Variants in ATOX1 observed in about 807,000 individuals in gnomAD.
The protein encoded by ATOX1 is copper transport protein ATOX1.
In ATOX1, 4 loss-of-function variants were observed where a neutral mutation model predicts 7.3. The ratio of observed to expected loss-of-function variants is 0.55; its 90% CI spans 0.27 to 1.25. The LOEUF is 1.25. Among genes scored for constraint, ATOX1 ranks in the 50% most tolerant of loss-of-function variants. The probability of loss-of-function intolerance (pLI) is 0.12; values close to 1 mark genes in which losing one functional copy is unlikely to be tolerated. For missense variants in ATOX1, 68 were observed against 81.6 expected, an observed-to-expected ratio of 0.83 and a Z score of 0.64; for synonymous variants, 25 against 28.7, an observed-to-expected ratio of 0.87 and a Z score of 0.41.
intron 3 of ATOX1, chr5:151,745,510 G>C (rs1024697143): frequency 1.3e-5 from 2 of 152,244 alleles, no homozygotes; most frequent in African/African-American, 4.8e-5. Flanking sequence ...CAATGAGTAA[G>C]GTCTGCCTGG....
intron 1 of ATOX1, 143 bp downstream of exon 1, chr5:151,758,403 G>T: frequency 7.7e-7 from 1 of 1,291,148 alleles, no homozygotes; most frequent in Non-Finnish European, 9.9e-7. Context: ...AAAGCTGGGG[G>T]CTGGGTGGGG....
chr5:151,746,544 C>T, intron 2 of ATOX1, 95 bp from the exon 3 acceptor site: 1 of 1,515,918 alleles, frequency 6.6e-7, no homozygotes, highest in Non-Finnish European at 9.0e-7. Flanking sequence ...TACTCACAAC[C>T]ACCCTTGCCC....
chr5:151,752,323 G>T (rs1761962420), intron 1 of ATOX1: 1 of 702,450 alleles, frequency 1.4e-6, no homozygotes, highest in Non-Finnish European at 2.6e-6. Context: ...TCATCCAAGG[G>T]CCGCATTCTC....
intron 2 of ATOX1, among the ~76,000 whole-genome samples, chr5:151,751,256 CAAA>C (rs59348695): frequency 1.7e-4 from 11 of 63,470 alleles, no homozygotes; most frequent in Admixed American, 3.6e-4. Flanking sequence ...AACTCTGTCT[CAAA>C]AAAAAAAAAA....
Position 151,756,133 on chromosome 5 carries a change from G to A in ATOX1, c.6+2413C>T, listed in dbSNP as rs148159036. Among the ~76,000 whole-genome samples, 666 of 151,812 alleles carry A rather than the reference G, an allele frequency of 4.4e-3. 7 individuals carry two copies. Among genetic ancestry groups the A allele is most frequent in the African/African-American group, 0.015 (617 of 41,406 alleles). ...ATTTTTTTGTATATTTAGTAGAGAC[G>A]GGGTTTCACCATGTTGGCCAGGCTG... On this transcript the variant is annotated intron_variant, in intron 1 of 3. Transcript: ENST00000313115.
intron 1 of ATOX1, among the ~76,000 whole-genome samples, chr5:151,755,205 T>C (rs1379291002): frequency 6.6e-6 from 1 of 152,164 alleles, no homozygotes; most frequent in Non-Finnish European, 1.5e-5. Context: ...TGTACTTATA[T>C]ACTGAGCCAA....
Position 151,758,538 on chromosome 5 carries a change from C to T in ATOX1, c.6+8G>A, listed in dbSNP as rs762811425. 2.1e-6 allele frequency: 3 copies of T among 1,460,856 alleles called. No individual in the cohort carries two copies. The highest frequency in any genetic ancestry group is 2.7e-5 in the East Asian group (1 of 36,660). 90.5% of individuals were successfully genotyped at this position (1,460,856 alleles called of 1,614,324 possible). A position where few individuals can be genotyped will look rare whatever the true frequency, so the allele number is the denominator to read the frequency against. ...AGTCTGCGTGGCGGGGACGGCGCAA[C>T]CACTCACCGGCATGACTGAGGCAGC... is the stretch of plus-strand genomic sequence containing the variant. On this transcript the variant is annotated splice_region_variant and intron_variant, in intron 1 of 3. Transcript: ENST00000313115.
rs760802363 is a variant in ATOX1 at position 151,751,794 on chromosome 5, G to A, written c.7-15C>T. 1.9e-6 allele frequency: 3 copies of A among 1,579,306 alleles called. No individual in the cohort carries two copies. Among genetic ancestry groups the A allele is most frequent in the East Asian group, 4.5e-5 (2 of 44,126 alleles). On this transcript the variant is annotated splice_polypyrimidine_tract_variant and intron_variant, in intron 1 of 3. Transcript: ENST00000313115. Reference sequence around the variant, plus strand: ...AACTCGTGCTTCTGAAACAAACACAGGGGGACCATGACCCGAGCCCTGTAG... The same window carrying A: ...AACTCGTGCTTCTGAAACAAACACAAGGGGACCATGACCCGAGCCCTGTAG...
chr5:151,758,517 T>C, intron 1 of ATOX1, 29 bp downstream of exon 1: 1 of 1,481,372 alleles, frequency 6.8e-7, no homozygotes, highest in Non-Finnish European at 9.0e-7. Context: ...ACTGCAAGTC[T>C]GCGTGGCGGG....
intron 1 of ATOX1, 175 bp from the exon 2 acceptor site, chr5:151,751,954 G>A: frequency 1.6e-6 from 1 of 621,066 alleles, no homozygotes; most frequent in Non-Finnish European, 2.9e-6. Flanking sequence ...CTATAGAGTA[G>A]CTAAGAGTTT....
intron 3 of ATOX1, 154 bp from the exon 4 acceptor site, chr5:151,743,113 G>C (rs1761840580): frequency 6.6e-6 from 1 of 152,322 alleles, no homozygotes; most frequent in African/African-American, 2.4e-5. Context: ...GAAAACGCAG[G>C]GTGCAGATGC....
intron 3 of ATOX1, chr5:151,744,019 A>G (rs1394228598): frequency 2.6e-5 from 4 of 152,270 alleles, no homozygotes; most frequent in African/African-American, 9.6e-5. Context: ...TGAATCTTGA[A>G]AACATTATGC....
chr5:151,749,604 C>T (rs1761918731), intron 2 of ATOX1, among the ~76,000 whole-genome samples: 1 of 141,670 alleles, frequency 7.1e-6, no homozygotes, highest in Non-Finnish European at 1.5e-5. Flanking sequence ...TTGCAGTGAG[C>T]AGAGATCATG....
At chr5:151,752,712 T>C (rs1039762213) in intron 1 of ATOX1, among the ~76,000 whole-genome samples, 2 of 152,218 alleles carry the variant, frequency 1.3e-5, no homozygotes, top group African/African-American at 2.4e-5. Context: ...ATCAGATAAA[T>C]ATGGCTTCAG....
rs1382026862 is a variant in ATOX1, at chr5:151,758,629, G to C, written c.-78C>G. 7.4e-7 allele frequency: 1 copy of C among 1,345,344 alleles called. No individual in the cohort carries two copies. Among genetic ancestry groups the C allele is most frequent in the Non-Finnish European group, 9.6e-7 (1 of 1,038,284 alleles). The allele number at this position is 1,345,344 out of a possible 1,614,324, so 83.3% of individuals were successfully genotyped here. On this transcript the variant is annotated 5_prime_UTR_variant, in exon 1 of 4. Coordinates refer to ENST00000313115, the MANE Select transcript of ATOX1 (RefSeq NM_004045.4). ...TCTCTGGATTCGGAGGGCGGGTTCG[G>C]CTGCGCTTCCGAGAGTGCGCACTAG...
Position 151,747,689 on chromosome 5 carries a change from ATTC to A in ATOX1, c.83-1243_83-1241del, listed in dbSNP as rs771640707. Among the ~76,000 whole-genome samples, 462 of 151,790 alleles carry A rather than the reference ATTC, an allele frequency of 3.0e-3. 3 individuals are homozygous for A. Among genetic ancestry groups the A allele is most frequent in the Middle Eastern group, 0.024 (7 of 292 alleles). ...GTAGCCTGACTCCCGGGTTCAAGCG[ATTC>A]TTCTGCCTCAGCCAGCCTCCCGAGT... On this transcript the variant is annotated intron_variant, in intron 2 of 3. Transcript: ENST00000313115.
chr5:151,751,842 C>G (rs1761954770), intron 1 of ATOX1, 63 bp from the exon 2 acceptor site: 1 of 1,500,572 alleles, frequency 6.7e-7, no homozygotes, highest in Non-Finnish European at 9.1e-7. Flanking sequence ...ACAGTGCCAG[C>G]AGACAGGCCC....
intron 3 of ATOX1, chr5:151,743,312 C>G (rs1188930119): frequency 6.6e-6 from 1 of 152,178 alleles, no homozygotes; most frequent in Non-Finnish European, 1.5e-5. Flanking sequence ...GTTGGAAAGG[C>G]AATGAACAAA....
chr5:151,757,196 C>T (rs1762029110), intron 1 of ATOX1, among the ~76,000 whole-genome samples: 1 of 152,110 alleles, frequency 6.6e-6, no homozygotes, highest in Admixed American at 6.5e-5. Flanking sequence ...GTACATGGTG[C>T]CAAGTGCCCT....
Sources: gnomAD v4.1 joint callset for allele counts (sites outside exome capture counted in the v4.1 genomes callset) on GRCh38, gnomAD v4.1.1 for gene constraint, MANE v1.5 for transcripts, NCBI Gene and HGNC (gene_info 2026-07-23, HGNC 2026-07-21) for gene names.